The following TAS2R1 variants were observed in gnomAD, a reference collection of about 807,000 sequenced individuals.
The protein encoded by TAS2R1 is taste 2 receptor member 1.
For missense variants in TAS2R1, 370 were observed against 353.4 expected, an observed-to-expected ratio of 1.05 and a Z score of -0.38; for synonymous variants, 141 against 134.2, an observed-to-expected ratio of 1.05 and a Z score of -0.35.
At chr5:9,696,816 C>A (rs1211892417) in intron 1 of TAS2R1, among the ~76,000 whole-genome samples, 1 of 151,804 alleles carries the variant, frequency 6.6e-6, no homozygotes, top group Non-Finnish European at 1.5e-5. Flanking sequence ...GAGTTTGAGA[C>A]CAGACTGACC....
chr5:9,819,193 A>C, the TAS2R1 span, among the ~76,000 whole-genome samples: 2 of 152,072 alleles, frequency 1.3e-5, no homozygotes, highest in African/African-American at 4.8e-5. Context: ...GCTGAGAGAG[A>C]TCTAGGGATG....
chr5:9,692,840 T>A (rs1278882136), intron 1 of TAS2R1, among the ~76,000 whole-genome samples: 2 of 152,080 alleles, frequency 1.3e-5, no homozygotes, highest in East Asian at 3.9e-4. Flanking sequence ...TGGCCATATC[T>A]TTTTTTTCCC....
At chr5:9,872,010 T>C in the TAS2R1 span, among the ~76,000 whole-genome samples, 2 of 152,140 alleles carry the variant, frequency 1.3e-5, no homozygotes, top group Non-Finnish European at 2.9e-5. Flanking sequence ...ATTTCAAAAG[T>C]GTAGATTTTA....
chr5:9,835,048 G>A, the TAS2R1 span, among the ~76,000 whole-genome samples: 1 of 152,128 alleles, frequency 6.6e-6, no homozygotes, highest in Non-Finnish European at 1.5e-5. Context: ...CGACCCCTAG[G>A]GGCACGGCAG....
At chr5:9,780,169 C>G in the TAS2R1 span, among the ~76,000 whole-genome samples, 1 of 152,128 alleles carries the variant, frequency 6.6e-6, no homozygotes, top group African/African-American at 2.4e-5. Flanking sequence ...AGAACATCAC[C>G]CCCTCCCACT....
chr5:9,641,700 A>G (rs900806573), intron 2 of TAS2R1, among the ~76,000 whole-genome samples: 2 of 152,236 alleles, frequency 1.3e-5, no homozygotes, highest in Non-Finnish European at 2.9e-5. Flanking sequence ...ATGCTCTTGC[A>G]CTAAGCAAGA....
At chr5:9,891,224 C>A in the TAS2R1 span, among the ~76,000 whole-genome samples, 2 of 152,102 alleles carry the variant, frequency 1.3e-5, no homozygotes, top group African/African-American at 4.8e-5. Flanking sequence ...AGACTGAATA[C>A]AGAAGCAGAT....
At chr5:9,713,722 A>T (rs1340511848), upstream of TAS2R1, 2 of 152,228 alleles carry the variant, frequency 1.3e-5, no homozygotes, top group African/African-American at 4.8e-5. Context: ...GTGAGGAAAA[A>T]TGCACGTGGT....
chr5:9,641,667 C>G (rs3815044), intron 2 of TAS2R1, among the ~76,000 whole-genome samples: 32,211 of 152,218 alleles, frequency 0.21, 3,496 homozygotes, highest in Non-Finnish European at 0.23. Context: ...TCTACTGCAT[C>G]AATCAAGCCA....
chr5:9,695,113 A>T (rs1741332014), intron 1 of TAS2R1, among the ~76,000 whole-genome samples: 1 of 152,196 alleles, frequency 6.6e-6, no homozygotes, highest in African/African-American at 2.4e-5. Context: ...AATGTTACTG[A>T]TCTCACAGAG....
At chr5:9,834,577 A>G in the TAS2R1 span, among the ~76,000 whole-genome samples, 1 of 152,150 alleles carries the variant, frequency 6.6e-6, no homozygotes, top group East Asian at 1.9e-4. Context: ...TTAAAGATCA[A>G]ATAGAGCAAA....
At chr5:9,681,831 C>T (rs375551003) in intron 1 of TAS2R1, among the ~76,000 whole-genome samples, 145 of 152,272 alleles carry the variant, frequency 9.5e-4, no homozygotes, top group African/African-American at 2.7e-3. Flanking sequence ...CGAATCTCAA[C>T]TCATCCCAAA....
At chr5:9,829,301 A>T in the TAS2R1 span, among the ~76,000 whole-genome samples, 1 of 152,194 alleles carries the variant, frequency 6.6e-6, no homozygotes, top group Non-Finnish European at 1.5e-5. Flanking sequence ...AGACCTAATA[A>T]TTCTCATAAA....
chr5:9,870,196 T>G, the TAS2R1 span: 1 of 152,216 alleles, frequency 6.6e-6, no homozygotes, highest in African/African-American at 2.4e-5. Context: ...ATTGGTACTT[T>G]CATCCACATT....
upstream of TAS2R1, chr5:9,712,400 G>A (rs1303375062): frequency 6.6e-6 from 1 of 152,202 alleles, no homozygotes; most frequent in East Asian, 1.9e-4. Context: ...TGCTGTGAAG[G>A]TAATTTTTAG....
the TAS2R1 span, among the ~76,000 whole-genome samples, chr5:9,866,859 T>C: frequency 6.6e-6 from 1 of 152,260 alleles, no homozygotes; most frequent in Non-Finnish European, 1.5e-5. Flanking sequence ...TTCTGTATCT[T>C]AGCCCCAGAA....
chr5:9,727,377 T>G, the TAS2R1 span, among the ~76,000 whole-genome samples: 1 of 152,236 alleles, frequency 6.6e-6, no homozygotes, highest in Non-Finnish European at 1.5e-5. Context: ...TTAACTGACA[T>G]GATGTTTCCA....
chr5:9,755,825 G>A, the TAS2R1 span, among the ~76,000 whole-genome samples: 1 of 152,180 alleles, frequency 6.6e-6, no homozygotes, highest in African/African-American at 2.4e-5. Flanking sequence ...GCTATGGCAT[G>A]TGTACACTGT....
the TAS2R1 span, among the ~76,000 whole-genome samples, chr5:9,802,594 C>A: frequency 2.0e-5 from 3 of 152,224 alleles, no homozygotes; most frequent in East Asian, 1.9e-4. Context: ...CAAACCAAGA[C>A]AAAATCTCTG....
Sources: gnomAD v4.1 joint callset for allele counts (sites outside exome capture counted in the v4.1 genomes callset) on GRCh38, gnomAD v4.1.1 for gene constraint, MANE v1.5 for transcripts, NCBI Gene and HGNC (gene_info 2026-07-23, HGNC 2026-07-21) for gene names.